SMOC1: variants seen among roughly 807,000 people sequenced by gnomAD.
SMOC1 encodes SPARC-related modular calcium-binding protein 1.
SMOC1 carries 22 observed loss-of-function variants against 56.3 expected under a neutral mutation model. That is an observed-to-expected ratio of 0.39 (90% CI 0.28 to 0.56). The LOEUF is 0.56. SMOC1 is among the 20% of genes least tolerant of loss of function. SMOC1 has a pLI of 0.61. For missense variants in SMOC1, 509 were observed against 565.4 expected, an observed-to-expected ratio of 0.90 and a Z score of 1.01; for synonymous variants, 193 against 215.0, an observed-to-expected ratio of 0.90 and a Z score of 0.89.
intron 5 of SMOC1, among the ~76,000 whole-genome samples, chr14:69,985,396 A>T (rs896947813): frequency 2.6e-5 from 4 of 152,224 alleles, no homozygotes; most frequent in Admixed American, 6.5e-5. Flanking sequence ...ACTCCTGAGC[A>T]TTTATTCCAG....
intron 1 of SMOC1, among the ~76,000 whole-genome samples, chr14:69,909,325 T>G (rs927474905): frequency 6.6e-6 from 1 of 152,258 alleles, no homozygotes; most frequent in Non-Finnish European, 1.5e-5. Flanking sequence ...CCTTATGATC[T>G]GAACATGTAA....
intron 3 of SMOC1, among the ~76,000 whole-genome samples, chr14:69,972,695 G>A (rs1221800861): frequency 6.6e-6 from 1 of 152,188 alleles, no homozygotes; most frequent in Non-Finnish European, 1.5e-5. Flanking sequence ...GGCACACTCA[G>A]TGAGAATGTG....
At chr14:69,954,173 CT>C (rs928418228) in intron 3 of SMOC1, among the ~76,000 whole-genome samples, 4 of 152,018 alleles carry the variant, frequency 2.6e-5, no homozygotes, top group Admixed American at 2.6e-4. Flanking sequence ...TTTTTCTTCT[CT>C]TTTTTTGGAG....
rs575833678 is a variant in SMOC1 at position 69,901,669 on chromosome 14, C to A, written c.99+21892C>A. Among the ~76,000 whole-genome samples the A allele has an allele frequency of 5.3e-5, 8 of 152,306 alleles. No individual in the cohort carries two copies. The East Asian group carries it at 1.5e-3, about 29-fold the overall frequency. Reference sequence around the variant, plus strand: ...AATGTCTGAGAAAGAATATCTTTTGCCAGATTGAAGAATTGTGCAAGTGCA... The same window carrying A: ...AATGTCTGAGAAAGAATATCTTTTGACAGATTGAAGAATTGTGCAAGTGCA... On this transcript the variant is annotated intron_variant, in intron 1 of 11. Coordinates refer to ENST00000361956, the MANE Select transcript of SMOC1 (RefSeq NM_001034852.3).
At chr14:69,893,834 G>C (rs570546346) in intron 1 of SMOC1, among the ~76,000 whole-genome samples, 2 of 152,156 alleles carry the variant, frequency 1.3e-5, no homozygotes, top group African/African-American at 4.8e-5. Flanking sequence ...ATAGGGCCTT[G>C]ATGAAACAAT....
At chr14:69,992,334 A>C (rs1884593219) in intron 5 of SMOC1, 83 bp from the exon 6 acceptor site, 1 of 1,389,686 alleles carries the variant, frequency 7.2e-7, no homozygotes, top group African/African-American at 1.4e-5. Context: ...ACAAACCCCA[A>C]CCATTCAACA....
chr14:70,019,096 G>A (rs1462194498), intron 10 of SMOC1, among the ~76,000 whole-genome samples: 1 of 152,252 alleles, frequency 6.6e-6, no homozygotes, highest in Non-Finnish European at 1.5e-5. Flanking sequence ...GTGGGGCTGA[G>A]GCTGCAGAAG....
intron 1 of SMOC1, among the ~76,000 whole-genome samples, chr14:69,906,331 T>A (rs1884406869): frequency 6.6e-6 from 1 of 152,232 alleles, no homozygotes; most frequent in African/African-American, 2.4e-5. Context: ...TGAGCCACTA[T>A]GTAAGAATCA....
At chr14:69,928,244 C>G (rs530589327) in intron 1 of SMOC1, among the ~76,000 whole-genome samples, 9 of 152,280 alleles carry the variant, frequency 5.9e-5, no homozygotes, top group African/African-American at 2.2e-4. Flanking sequence ...CTTGAGTCAG[C>G]CCTCCTCCTC....
At chr14:70,009,060 C>A (rs1885243234) in intron 7 of SMOC1, among the ~76,000 whole-genome samples, 1 of 152,212 alleles carries the variant, frequency 6.6e-6, no homozygotes, top group African/African-American at 2.4e-5. Context: ...TGATGTCTGT[C>A]AGCTGTTTTA....
At chr14:69,956,537 C>A (rs766628621) in intron 3 of SMOC1, among the ~76,000 whole-genome samples, 3 of 149,932 alleles carry the variant, frequency 2.0e-5, no homozygotes, top group Non-Finnish European at 4.4e-5. Context: ...ATGCACGCAT[C>A]CCGGTATTAA....
chr14:70,002,952 TTCTC>T (rs1035463566), intron 7 of SMOC1, among the ~76,000 whole-genome samples: 1 of 152,132 alleles, frequency 6.6e-6, no homozygotes, highest in Non-Finnish European at 1.5e-5. Context: ...GGTCCTATCT[TTCTC>T]TCTTTTACTC....
intron 1 of SMOC1, among the ~76,000 whole-genome samples, chr14:69,883,889 ATTTTTTTTTT>A (rs34300667): frequency 1.8e-4 from 12 of 66,644 alleles, no homozygotes; most frequent in South Asian, 1.4e-3. Flanking sequence ...GATGTTGAGC[ATTTTTTTTTT>A]TTTTTTTTTT....
At chr14:69,965,051 A>G (rs1208659587) in intron 3 of SMOC1, among the ~76,000 whole-genome samples, 3 of 152,148 alleles carry the variant, frequency 2.0e-5, no homozygotes, top group East Asian at 1.9e-4. Context: ...GGAATATCCA[A>G]TGGAGCCAGA....
intron 1 of SMOC1, among the ~76,000 whole-genome samples, chr14:69,900,860 C>T (rs912078622): frequency 6.6e-6 from 1 of 152,238 alleles, no homozygotes; most frequent in African/African-American, 2.4e-5. Flanking sequence ...GCCACAATGG[C>T]CTGGTCTAGC....
rs1003889454 is a variant in SMOC1 at position 69,879,448 on chromosome 14, C to T, written c.-231C>T. The T allele has an allele frequency of 5.2e-6, 2 of 386,996 alleles. No homozygotes were observed. Among genetic ancestry groups the T allele is most frequent in the Non-Finnish European group, 9.0e-6 (2 of 221,050 alleles). 24.0% of individuals were successfully genotyped at this position (386,996 alleles called of 1,614,324 possible). On this transcript the variant is annotated 5_prime_UTR_variant, in exon 1 of 12. Coordinates refer to ENST00000361956, the MANE Select transcript of SMOC1 (RefSeq NM_001034852.3). ...CAACCTGCTGCCGCCTGGGCCCCGC[C>T]GAGCGGAGCTAGCGCCGCGCGCAGA...
intron 1 of SMOC1, among the ~76,000 whole-genome samples, chr14:69,883,589 G>A (rs1361314393): frequency 6.6e-6 from 1 of 152,120 alleles, no homozygotes; most frequent in Non-Finnish European, 1.5e-5. Flanking sequence ...CAATAAACAT[G>A]GGAGAACAGG....
intron 5 of SMOC1, among the ~76,000 whole-genome samples, chr14:69,986,358 G>A (rs937968602): frequency 2.6e-5 from 4 of 152,138 alleles, no homozygotes; most frequent in Non-Finnish European, 4.4e-5. Context: ...GAGTCTACAC[G>A]TGGATAAAAT....
chr14:69,963,073 T>C (rs553905697), intron 3 of SMOC1, among the ~76,000 whole-genome samples: 2 of 152,330 alleles, frequency 1.3e-5, no homozygotes, highest in South Asian at 4.1e-4. Context: ...TTAATCTATA[T>C]GTCTAGTCCT....
Sources: allele counts gnomAD v4.1 joint callset (sites outside exome capture counted in the v4.1 genomes callset), GRCh38; gene constraint gnomAD v4.1.1; transcripts MANE v1.5; gene names NCBI Gene and HGNC (gene_info 2026-07-23, HGNC 2026-07-21).